The following FAM107B variants were observed in gnomAD, a reference collection of about 807,000 sequenced individuals.
FAM107B encodes the protein protein FAM107B.
FAM107B carries 21 observed loss-of-function variants against 31.5 expected under a neutral mutation model. The observed-to-expected ratio is 0.67, with a 90% CI of 0.47 to 0.96. The LOEUF (loss-of-function observed/expected upper bound fraction) is 0.96. Among genes scored for constraint, FAM107B ranks in the 40% least tolerant of loss-of-function variants. The pLI, the probability that FAM107B is intolerant of heterozygous loss-of-function variation, is 0.00. For missense variants in FAM107B, 452 were observed against 377.1 expected (o/e 1.20, Z -1.64); for synonymous variants, 157 against 141.5 (o/e 1.11, Z -0.78).
At chr10:14,677,684 A>G (rs944303167) in intron 1 of FAM107B, among the ~76,000 whole-genome samples, 3 of 152,160 alleles carry the variant, frequency 2.0e-5, no homozygotes, top group African/African-American at 4.8e-5. Flanking sequence ...AGATTCTGAT[A>G]TGGTTAGTGT....
intron 1 of FAM107B, among the ~76,000 whole-genome samples, chr10:14,759,139 T>G (rs12244522): frequency 0.028 from 4,221 of 151,076 alleles, 210 homozygotes; most frequent in African/African-American, 0.098. Flanking sequence ...ATCGCACCAC[T>G]GCACTTCCAG....
intron 1 of FAM107B, among the ~76,000 whole-genome samples, chr10:14,740,209 G>A (rs892582786): frequency 1.3e-5 from 2 of 152,194 alleles, no homozygotes; most frequent in African/African-American, 4.8e-5. Context: ...CAACCAAGAT[G>A]TCCTTCAATA....
chr10:14,604,130 G>GC, intron 2 of FAM107B: 3 of 641,432 alleles, frequency 4.7e-6, no homozygotes, highest in Non-Finnish European at 5.8e-6. Context: ...CACCCGCCCG[G>GC]CCGCCCGCCC....
At chr10:14,541,409 C>G (rs1848184193) in intron 2 of FAM107B, among the ~76,000 whole-genome samples, 1 of 152,190 alleles carries the variant, frequency 6.6e-6, no homozygotes, top group Admixed American at 6.5e-5. Flanking sequence ...GGCATCAACT[C>G]TAGGCAGCCA....
chr10:14,630,823 C>T (rs1335438047), intron 2 of FAM107B, among the ~76,000 whole-genome samples: 1 of 151,912 alleles, frequency 6.6e-6, no homozygotes, highest in Non-Finnish European at 1.5e-5. Context: ...TGCACTCCAG[C>T]TGGGTGACAG....
chr10:14,708,821 A>T (rs974358261), intron 1 of FAM107B, among the ~76,000 whole-genome samples: 1 of 152,238 alleles, frequency 6.6e-6, no homozygotes, highest in African/African-American at 2.4e-5. Flanking sequence ...AAAATGAGCA[A>T]AAGATCTGAA....
chr10:14,580,261 G>T (rs1327536910), intron 2 of FAM107B, among the ~76,000 whole-genome samples: 1 of 152,070 alleles, frequency 6.6e-6, no homozygotes, highest in African/African-American at 2.4e-5. Flanking sequence ...TTGGGAGGCT[G>T]AGACAGGAGA....
At chr10:14,652,511 T>G (rs2131449097) in intron 2 of FAM107B, among the ~76,000 whole-genome samples, 1 of 152,358 alleles carries the variant, frequency 6.6e-6, no homozygotes, top group South Asian at 2.1e-4. Context: ...TTGGTTAAAT[T>G]AACTTTTAAA....
At position 14,671,886 on chromosome 10, in the gene FAM107B, AAAAAAAC is replaced by A. The variant is rs1854561593; in HGVS notation, c.412-4202_412-4196del. On this transcript the variant is annotated intron_variant, in intron 1 of 4. Coordinates refer to ENST00000181796, the MANE Select transcript of FAM107B (RefSeq NM_031453.4). Reference sequence around the variant, plus strand: ...TCCCTTTTATTTAAAAAAAAAAAACAAAAAAACAAAAAAAAAACCCTCTATTTCTTTT... The same window carrying A: ...TCCCTTTTATTTAAAAAAAAAAAACAAAAAAAAAAACCCTCTATTTCTTTT... Among the ~76,000 whole-genome samples, 25 of 8,472 alleles carry A rather than the reference AAAAAAAC, an allele frequency of 3.0e-3. No individual in the cohort carries two copies. In the South Asian group the frequency reaches 0.11, roughly 39 times the overall value. 5.6% of individuals were successfully genotyped at this position (8,472 alleles called of 152,430 possible).
chr10:14,671,904 C>CA (rs1564621077), intron 1 of FAM107B, among the ~76,000 whole-genome samples: 2 of 137,848 alleles, frequency 1.5e-5, no homozygotes, highest in Non-Finnish European at 3.0e-5. Context: ...AAAAAAAAAA[C>CA]CCTCTATTTC....
intron 2 of FAM107B, among the ~76,000 whole-genome samples, chr10:14,557,336 T>A (rs1463112121): frequency 6.6e-6 from 1 of 152,260 alleles, no homozygotes; most frequent in Non-Finnish European, 1.5e-5. Context: ...AATTATCATC[T>A]GTTAAAGTGA....
At position 14,709,317 on chromosome 10, in the gene FAM107B, G is replaced by A. The variant is rs572502762; in HGVS notation, c.412-41626C>T. 2.8e-4 allele frequency among the ~76,000 whole-genome samples: 43 copies of A among 152,286 alleles called. No homozygotes were observed. In the East Asian group the frequency reaches 3.3e-3, roughly 12 times the overall value. On this transcript the variant is annotated intron_variant, in intron 1 of 4. Coordinates refer to ENST00000181796, the MANE Select transcript of FAM107B (RefSeq NM_031453.4). ...TCAGGCTGCCAATAAAGACATACTC[G>A]AGACTGGGCAATTTACAAAAGAAAG...
chr10:14,545,595 G>A (rs1037203587), intron 2 of FAM107B, among the ~76,000 whole-genome samples: 5 of 152,170 alleles, frequency 3.3e-5, no homozygotes, highest in Admixed American at 3.3e-4. Flanking sequence ...GAGGGGAGAG[G>A]CCATGTGGCA....
intron 2 of FAM107B, among the ~76,000 whole-genome samples, chr10:14,586,693 T>C (rs752950595): frequency 2.6e-5 from 4 of 152,196 alleles, no homozygotes; most frequent in Non-Finnish European, 5.9e-5. Flanking sequence ...TCCAGAACTG[T>C]GAGAAATAAA....
intron 1 of FAM107B, among the ~76,000 whole-genome samples, chr10:14,726,742 C>A (rs773827379): frequency 3.9e-5 from 6 of 152,132 alleles, no homozygotes; most frequent in Non-Finnish European, 7.3e-5. Flanking sequence ...GCCTTCCCCC[C>A]TAAAGAGTCC....
chr10:14,686,794 A>C (rs764152456), intron 1 of FAM107B, among the ~76,000 whole-genome samples: 4 of 152,196 alleles, frequency 2.6e-5, no homozygotes, highest in Non-Finnish European at 5.9e-5. Flanking sequence ...GCTAAACTGA[A>C]GTTGTTCAGT....
chr10:14,750,021 G>A (rs900774532), intron 1 of FAM107B, among the ~76,000 whole-genome samples: 24 of 152,208 alleles, frequency 1.6e-4, no homozygotes, highest in African/African-American at 5.5e-4. Context: ...AGGCACCTGG[G>A]AACTCCGGAA....
intron 1 of FAM107B, among the ~76,000 whole-genome samples, chr10:14,726,383 G>A (rs566483996): frequency 2.0e-5 from 3 of 152,264 alleles, no homozygotes; most frequent in South Asian, 2.1e-4. Context: ...TGTTATTTGT[G>A]TGCCTGCCTC....
At chr10:14,758,339 C>T (rs1169006422) in intron 1 of FAM107B, among the ~76,000 whole-genome samples, 1 of 152,112 alleles carries the variant, frequency 6.6e-6, no homozygotes, top group Non-Finnish European at 1.5e-5. Context: ...GCCTATTTCA[C>T]GGAAATACTG....
Sources: allele counts gnomAD v4.1 joint callset (sites outside exome capture counted in the v4.1 genomes callset), GRCh38; gene constraint gnomAD v4.1.1; transcripts MANE v1.5; gene names NCBI Gene and HGNC (gene_info 2026-07-23, HGNC 2026-07-21).